ANO6: variants seen among roughly 807,000 people sequenced by gnomAD.
The protein encoded by ANO6 is anoctamin-6.
Under a neutral mutation model 117.5 loss-of-function variants are expected in ANO6, and 106 were observed. The ratio of observed to expected loss-of-function variants is 0.90; its 90% confidence interval spans 0.77 to 1.06. ANO6 has a LOEUF of 1.06. ANO6 is among the 50% of genes least tolerant of loss of function. The probability of loss-of-function intolerance (pLI) is 0.00; values close to 1 mark genes in which losing one functional copy is unlikely to be tolerated. For missense variants in ANO6, 955 were observed against 1,121.1 expected (o/e 0.85, Z 2.12); for synonymous variants, 367 against 385.1 (o/e 0.95, Z 0.55).
At chr12:45,350,836 G>A in intron 7 of ANO6, 62 bp downstream of exon 7, 1 of 1,317,994 alleles carries the variant, frequency 7.6e-7, no homozygotes, top group Non-Finnish European at 1.1e-6. Context: ...CACAGCATCT[G>A]AATGTGACAG....
intron 8 of ANO6, among the ~76,000 whole-genome samples, chr12:45,366,516 C>T (rs1373572965): frequency 2.6e-5 from 4 of 152,128 alleles, no homozygotes; most frequent in Non-Finnish European, 5.9e-5. Flanking sequence ...TACTAATTTG[C>T]TTGGCCAGCT....
rs1300996042 is a variant in ANO6 at position 45,429,702 on chromosome 12, C to A, written c.*391C>A. 2 of 1,115,018 alleles carry A rather than the reference C, an allele frequency of 1.8e-6. No individual in the cohort carries two copies. The highest frequency in any genetic ancestry group is 2.2e-6 in the Non-Finnish European group (2 of 909,032). 69.1% of individuals were successfully genotyped at this position (1,115,018 alleles called of 1,614,324 possible). A position where few individuals can be genotyped will look rare whatever the true frequency, so the allele number is the denominator to read the frequency against. ...TTTATTTTTAAGCCATGTTTCATTT[C>A]TTCACTTGGCTAGATCTGTTCCAGG... On this transcript the variant is annotated 3_prime_UTR_variant, in exon 20 of 20. Coordinates refer to ENST00000320560, the MANE Select transcript of ANO6 (RefSeq NM_001025356.3).
chr12:45,235,509 A>G (rs191589423), intron 1 of ANO6, among the ~76,000 whole-genome samples: 1 of 152,278 alleles, frequency 6.6e-6, no homozygotes, highest in Admixed American at 6.5e-5. Flanking sequence ...GCCTGGCAGT[A>G]AACAATTCTA....
At chr12:45,424,079 C>T (rs1030070115) in intron 19 of ANO6, among the ~76,000 whole-genome samples, 1 of 151,172 alleles carries the variant, frequency 6.6e-6, no homozygotes, top group Non-Finnish European at 1.5e-5. Context: ...AAGTAACTCA[C>T]GGTTAGTATC....
chr12:45,394,753 A>G (rs975116944), intron 12 of ANO6, among the ~76,000 whole-genome samples: 3 of 152,246 alleles, frequency 2.0e-5, no homozygotes, highest in Non-Finnish European at 4.4e-5. Context: ...TACTGGGTAC[A>G]TAATGAAATG....
chr12:45,295,511 G>A (rs1483565367), intron 1 of ANO6, among the ~76,000 whole-genome samples: 1 of 152,142 alleles, frequency 6.6e-6, no homozygotes, highest in Non-Finnish European at 1.5e-5. Flanking sequence ...ACGGGAAATG[G>A]TGGGCCCTGT....
At chr12:45,400,082 C>T (rs1942743091) in intron 12 of ANO6, among the ~76,000 whole-genome samples, 2 of 150,924 alleles carry the variant, frequency 1.3e-5, no homozygotes, top group South Asian at 4.2e-4. Context: ...CTTAGGAGAC[C>T]CCAATTCTTT....
chr12:45,294,529 CAG>C (rs1226023109), intron 1 of ANO6, among the ~76,000 whole-genome samples: 2 of 152,092 alleles, frequency 1.3e-5, no homozygotes, highest in East Asian at 1.9e-4. Context: ...ATGGGAAAGA[CAG>C]AGAACTGTAA....
At chr12:45,424,866 A>C (rs934222074) in intron 19 of ANO6, among the ~76,000 whole-genome samples, 2 of 152,166 alleles carry the variant, frequency 1.3e-5, no homozygotes, top group African/African-American at 4.8e-5. Context: ...TCTCTGGAGA[A>C]AAATGTCCCC....
chr12:45,332,292 G>C (rs1224864773), intron 3 of ANO6, among the ~76,000 whole-genome samples: 19 of 124,132 alleles, frequency 1.5e-4, no homozygotes, highest in South Asian at 3.5e-4. Flanking sequence ...CTCTCTCTCT[G>C]TTCTCTCTCT....
chr12:45,301,473 C>T (rs933422529), intron 1 of ANO6, among the ~76,000 whole-genome samples: 32 of 151,782 alleles, frequency 2.1e-4, no homozygotes, highest in African/African-American at 7.7e-4. Context: ...TTTAATTAGT[C>T]AGGCATGGTA....
intron 1 of ANO6, among the ~76,000 whole-genome samples, chr12:45,288,943 G>A (rs1939006744): frequency 6.6e-6 from 1 of 151,468 alleles, no homozygotes; most frequent in African/African-American, 2.4e-5. Flanking sequence ...AGTAGAGACA[G>A]GGTTTCACCG....
chr12:45,377,226 G>A (rs549716510), intron 9 of ANO6, among the ~76,000 whole-genome samples: 1 of 150,536 alleles, frequency 6.6e-6, no homozygotes, highest in East Asian at 2.0e-4. Flanking sequence ...TAATATGCTT[G>A]TCACTTTTTC....
At chr12:45,396,015 T>G (rs1449568071) in intron 12 of ANO6, among the ~76,000 whole-genome samples, 3 of 152,086 alleles carry the variant, frequency 2.0e-5, no homozygotes, top group East Asian at 1.9e-4. Flanking sequence ...GAGAAAGAAA[T>G]AAAGGGTATT....
intron 19 of ANO6, among the ~76,000 whole-genome samples, chr12:45,425,580 A>C (rs999918026): frequency 2.0e-5 from 3 of 152,244 alleles, no homozygotes; most frequent in Non-Finnish European, 4.4e-5. Context: ...AGAGTAGTCT[A>C]TCTCCAGAAT....
At chr12:45,436,703 C>T (rs896856779), downstream of ANO6, among the ~76,000 whole-genome samples, 1 of 152,178 alleles carries the variant, frequency 6.6e-6, no homozygotes, top group Non-Finnish European at 1.5e-5. Flanking sequence ...CATGGTGGCT[C>T]ACGTCTGTAA....
Position 45,429,520 on chromosome 12 carries a change from C to T in ANO6, c.*209C>T. 7.3e-7 allele frequency: 1 copy of T among 1,374,624 alleles called. No individual in the cohort carries two copies. The allele number at this position is 1,374,624 out of a possible 1,614,324, so 85.2% of individuals were successfully genotyped here. On this transcript the variant is annotated 3_prime_UTR_variant, in exon 20 of 20. Coordinates refer to ENST00000320560, the MANE Select transcript of ANO6 (RefSeq NM_001025356.3). ...ATCATGAAGGGCATAAAACTTATCA[C>T]CCGGAAAACCTCAATGTTACCTTTT... is the stretch of plus-strand genomic sequence containing the variant.
At chr12:45,436,848 A>G (rs1376628087), downstream of ANO6, among the ~76,000 whole-genome samples, 1 of 152,152 alleles carries the variant, frequency 6.6e-6, no homozygotes, top group Non-Finnish European at 1.5e-5. Context: ...AGGCACCTGT[A>G]ATCTCGGCTA....
chr12:45,350,423 C>G (rs1220680592), intron 6 of ANO6, among the ~76,000 whole-genome samples: 1 of 152,142 alleles, frequency 6.6e-6, no homozygotes, highest in Non-Finnish European at 1.5e-5. Flanking sequence ...CTGCAGTGCT[C>G]CCCAGGATTG....
Sources: allele counts gnomAD v4.1 joint callset (sites outside exome capture counted in the v4.1 genomes callset), GRCh38; gene constraint gnomAD v4.1.1; transcripts MANE v1.5; gene names NCBI Gene and HGNC (gene_info 2026-07-23, HGNC 2026-07-21).